The following AUTS2 variants were observed in gnomAD, a reference collection of about 807,000 sequenced individuals.
AUTS2 encodes the protein autism susceptibility gene 2 protein.
Under a neutral mutation model 112.4 loss-of-function variants are expected in AUTS2, and 17 were observed. The observed-to-expected ratio is 0.15, with a 90% CI of 0.10 to 0.23. The LOEUF (loss-of-function observed/expected upper bound fraction) is 0.23. AUTS2 is among the 10% of genes least tolerant of loss of function. The pLI is 1.00. For missense variants in AUTS2, 1,510 were observed against 1,701.6 expected (o/e 0.89, Z 1.98); for synonymous variants, 751 against 702.7 (o/e 1.07, Z -1.09).
chr7:70,505,501 G>T (rs1379170826), intron 5 of AUTS2, among the ~76,000 whole-genome samples: 1 of 152,196 alleles, frequency 6.6e-6, no homozygotes, highest in East Asian at 1.9e-4. Flanking sequence ...GAAAGGGCCT[G>T]CACTTTCTCC....
chr7:69,738,303 G>C (rs1438251676), intron 1 of AUTS2, among the ~76,000 whole-genome samples: 1 of 151,992 alleles, frequency 6.6e-6, no homozygotes, highest in African/African-American at 2.4e-5. Flanking sequence ...GACAAGGGTG[G>C]AGACACTTAA....
intron 1 of AUTS2, among the ~76,000 whole-genome samples, chr7:69,704,583 A>G (rs1020355618): frequency 5.3e-5 from 8 of 152,178 alleles, no homozygotes; most frequent in Non-Finnish European, 1.0e-4. Flanking sequence ...AAATACCATT[A>G]TAGCCTAATT....
At chr7:70,553,478 T>C (rs750320280) in intron 5 of AUTS2, among the ~76,000 whole-genome samples, 1 of 152,122 alleles carries the variant, frequency 6.6e-6, no homozygotes, top group Non-Finnish European at 1.5e-5. Context: ...CTGGGGTCTG[T>C]TGGCAGTGTT....
At chr7:70,208,057 A>C in intron 4 of AUTS2, among the ~76,000 whole-genome samples, 1 of 151,506 alleles carries the variant, frequency 6.6e-6, no homozygotes, top group East Asian at 1.9e-4. Flanking sequence ...TATCTTTATA[A>C]TAGAAAAAAG....
intron 5 of AUTS2, among the ~76,000 whole-genome samples, chr7:70,457,064 G>A (rs1796770022): frequency 6.6e-6 from 1 of 152,344 alleles, no homozygotes; most frequent in East Asian, 1.9e-4. Context: ...CTCCAAAACA[G>A]AGTGTGTGTG....
chr7:69,951,672 A>G (rs1211353004), intron 2 of AUTS2, among the ~76,000 whole-genome samples: 1 of 152,160 alleles, frequency 6.6e-6, no homozygotes, highest in Non-Finnish European at 1.5e-5. Flanking sequence ...AGAAGAGGCG[A>G]TTCCAGGATT....
chr7:70,278,243 C>T (rs552522563), intron 4 of AUTS2, among the ~76,000 whole-genome samples: 27 of 152,178 alleles, frequency 1.8e-4, no homozygotes, highest in African/African-American at 2.4e-4. Flanking sequence ...AATGTTTGTA[C>T]ATAATAGTAG....
intron 2 of AUTS2, among the ~76,000 whole-genome samples, chr7:70,004,277 ATGTGTT>A: frequency 7.8e-6 from 1 of 127,876 alleles, no homozygotes. Flanking sequence ...ATATATATGA[ATGTGTT>A]ATATATGAAT....
At chr7:70,627,315 G>A (rs976307649) in intron 5 of AUTS2, among the ~76,000 whole-genome samples, 12 of 152,212 alleles carry the variant, frequency 7.9e-5, no homozygotes, top group Admixed American at 6.5e-5. Context: ...AAAAGTGTCT[G>A]TGTGTTTTAC....
chr7:70,660,859 A>G (rs1807035001), intron 5 of AUTS2, among the ~76,000 whole-genome samples: 1 of 152,144 alleles, frequency 6.6e-6, no homozygotes, highest in South Asian at 2.1e-4. Flanking sequence ...TGAGGGACCT[A>G]ACGTGCATAC....
At chr7:70,499,759 G>C (rs993558995) in intron 5 of AUTS2, among the ~76,000 whole-genome samples, 2 of 152,234 alleles carry the variant, frequency 1.3e-5, no homozygotes, top group Non-Finnish European at 2.9e-5. Context: ...AAGTTAAAAA[G>C]AAAACTGGCA....
intron 5 of AUTS2, among the ~76,000 whole-genome samples, chr7:70,684,064 T>C (rs1808336587): frequency 6.6e-6 from 1 of 152,078 alleles, no homozygotes; most frequent in African/African-American, 2.4e-5. Flanking sequence ...GCAAATATTT[T>C]GTCCTCAGCC....
chr7:70,511,859 G>A (rs1039042785), intron 5 of AUTS2, among the ~76,000 whole-genome samples: 1 of 152,006 alleles, frequency 6.6e-6, no homozygotes, highest in African/African-American at 2.4e-5. Context: ...TTACAGGCAT[G>A]AACCATCACA....
intron 6 of AUTS2, among the ~76,000 whole-genome samples, chr7:70,744,947 C>A (rs1788355540): frequency 6.6e-6 from 1 of 152,120 alleles, no homozygotes; most frequent in Admixed American, 6.5e-5. Context: ...GCCACCTTTT[C>A]ATCATCGCCC....
At chr7:69,750,671 T>C (rs1017251339) in intron 1 of AUTS2, among the ~76,000 whole-genome samples, 1 of 151,966 alleles carries the variant, frequency 6.6e-6, no homozygotes. Flanking sequence ...AATTTTTAGA[T>C]TTTTTGTAAA....
At chr7:69,938,476 T>G (rs35696945) in intron 2 of AUTS2, among the ~76,000 whole-genome samples, 54,792 of 152,018 alleles carry the variant, frequency 0.36, 10,425 homozygotes, top group African/African-American at 0.48. Flanking sequence ...AAGAATGTGG[T>G]TTGGTGAGTT....
At chr7:69,923,342 TTGTC>T (rs1341136631) in intron 2 of AUTS2, among the ~76,000 whole-genome samples, 1 of 152,218 alleles carries the variant, frequency 6.6e-6, no homozygotes, top group Non-Finnish European at 1.5e-5. Context: ...TTTGATCTAT[TTGTC>T]TATCTTTATG....
chr7:70,028,532 T>C (rs1800628015), intron 2 of AUTS2, among the ~76,000 whole-genome samples: 1 of 152,172 alleles, frequency 6.6e-6, no homozygotes, highest in African/African-American at 2.4e-5. Context: ...AATGATTGTA[T>C]CCAGCATCTT....
At chr7:70,043,910 C>A (rs1294057024) in intron 2 of AUTS2, among the ~76,000 whole-genome samples, 1 of 151,940 alleles carries the variant, frequency 6.6e-6, no homozygotes. Flanking sequence ...GGCCCGGCCT[C>A]CCCTTTGCAT....
Sources: allele counts gnomAD v4.1 joint callset (sites outside exome capture counted in the v4.1 genomes callset), GRCh38; gene constraint gnomAD v4.1.1; transcripts MANE v1.5; gene names NCBI Gene and HGNC (gene_info 2026-07-23, HGNC 2026-07-21).